The following PTPN21 variants were observed in gnomAD, a reference collection of about 807,000 sequenced individuals.
The protein encoded by PTPN21 is tyrosine-protein phosphatase non-receptor type 21.
A neutral mutation model predicts 131.8 loss-of-function variants in PTPN21; 77 were observed. The ratio of observed to expected loss-of-function variants is 0.58; its 90% CI spans 0.49 to 0.71. The LOEUF (loss-of-function observed/expected upper bound fraction) is 0.71. Ranked by LOEUF, PTPN21 falls within the 30% of genes least tolerant of loss-of-function variation. The pLI is 0.00. For synonymous variants in PTPN21, 715 were observed against 621.3 expected, an observed-to-expected ratio of 1.15 and a Z score of -2.24; for missense variants, 1,552 against 1,527.1, an observed-to-expected ratio of 1.02 and a Z score of -0.27.
At chr14:88,547,670 A>C (rs886686242) in intron 2 of PTPN21, 1 of 455,512 alleles carries the variant, frequency 2.2e-6, no homozygotes, top group African/African-American at 2.0e-5. Context: ...GAATAAATGC[A>C]AGTAAGCAGG....
At chr14:88,496,516 G>C in intron 9 of PTPN21, 24 bp from the exon 10 acceptor site, 1 of 1,562,122 alleles carries the variant, frequency 6.4e-7, no homozygotes, top group Non-Finnish European at 8.8e-7. Context: ...TAGGCATAAA[G>C]CAATATGAAA....
chr14:88,493,047 G>T (rs530637210), intron 10 of PTPN21: 2 of 455,180 alleles, frequency 4.4e-6, no homozygotes, highest in Non-Finnish European at 8.8e-6. Flanking sequence ...GCACAGGCTC[G>T]AGTCTTGCTG....
chr14:88,553,896 T>C (rs903612197), intron 1 of PTPN21, among the ~76,000 whole-genome samples: 1 of 152,106 alleles, frequency 6.6e-6, no homozygotes, highest in South Asian at 2.1e-4. Flanking sequence ...ATTTTTAGAG[T>C]AATATCTATA....
Position 88,467,938 on chromosome 14 carries a change from C to CT in PTPN21, c.*198dup. 1 of 717,562 alleles carries CT rather than the reference C, an allele frequency of 1.4e-6. No homozygotes were observed. Among genetic ancestry groups the CT allele is most frequent in the Non-Finnish European group, 2.3e-6 (1 of 426,712 alleles). 44.4% of individuals were successfully genotyped at this position (717,562 alleles called of 1,614,324 possible). On this transcript the variant is annotated 3_prime_UTR_variant, in exon 19 of 19. Transcript: ENST00000556564. ...TTGAAACCAAGTCCTCCTTGAGCAC[C>CT]TTTCCCAGGTTAGAAACCCCTCTTC...
At chr14:88,542,406 G>A (rs527661164) in intron 2 of PTPN21, among the ~76,000 whole-genome samples, 2 of 152,154 alleles carry the variant, frequency 1.3e-5, no homozygotes, top group African/African-American at 4.8e-5. Context: ...TACAAATCTC[G>A]AATGAGTAAA....
chr14:88,544,765 C>T (rs2078752219), intron 2 of PTPN21, among the ~76,000 whole-genome samples: 1 of 152,128 alleles, frequency 6.6e-6, no homozygotes, highest in Non-Finnish European at 1.5e-5. Flanking sequence ...TGCCCTGACT[C>T]AAAGGAATTT....
intron 2 of PTPN21, among the ~76,000 whole-genome samples, chr14:88,549,117 A>G (rs745755476): frequency 2.0e-5 from 3 of 152,218 alleles, no homozygotes; most frequent in Non-Finnish European, 4.4e-5. Flanking sequence ...AATATAGTCA[A>G]TGAATTTTAC....
At chr14:88,521,566 CTTT>C (rs11407992) in intron 2 of PTPN21, among the ~76,000 whole-genome samples, 5 of 131,458 alleles carry the variant, frequency 3.8e-5, no homozygotes, top group East Asian at 2.2e-4. Flanking sequence ...CCACGCCCAA[CTTT>C]TTTTTTTTTT....
Position 88,479,867 on chromosome 14 carries a change from A to G in PTPN21, c.1564T>C (p.Ser522Pro). Residue 522 changes from serine (S) to proline (P), a missense_variant, in exon 13 of 19, where the codon TCT (serine) becomes CCT (proline). Ser to Pro is a moderately conservative substitution (Grantham distance 74). Transcript: ENST00000556564. ...CGCTCGGCAGGGTAGGGGTAGGGAG[A>G]CGGGCTGTGGAAGCTGTAGCTCAGG... ...FSLSYSFHSP[S>P]PYPYPAERRP... 1.3e-6 allele frequency: 2 copies of G among 1,574,562 alleles called. No individual in the cohort carries two copies. The highest frequency in any genetic ancestry group is 1.7e-6 in the Non-Finnish European group (2 of 1,164,586).
At chr14:88,521,500 T>A (rs1349390377) in intron 2 of PTPN21, among the ~76,000 whole-genome samples, 1 of 151,638 alleles carries the variant, frequency 6.6e-6, no homozygotes, top group Non-Finnish European at 1.5e-5. Context: ...CCTTCCAGTT[T>A]CAAGCGCTTC....
At chr14:88,481,226 G>A (rs1484177091) in intron 12 of PTPN21, among the ~76,000 whole-genome samples, 3 of 152,188 alleles carry the variant, frequency 2.0e-5, no homozygotes, top group South Asian at 2.1e-4. Flanking sequence ...TGATCATGGT[G>A]ATACTTAAGT....
At position 88,536,604 on chromosome 14, in the gene PTPN21, A is replaced by G. The variant is rs138546757; in HGVS notation, c.180+13634T>C. Among the ~76,000 whole-genome samples the G allele has an allele frequency of 1.1e-3, 162 of 152,140 alleles. 2 individuals are homozygous for G. The East Asian group carries it at 0.023, about 22-fold the overall frequency. Reference sequence around the variant, plus strand: ...AGGTCCAAATCCTGTCAGAATGTAAACCCTTTCCTAATCCCTAAGTCATTT... The same window carrying G: ...AGGTCCAAATCCTGTCAGAATGTAAGCCCTTTCCTAATCCCTAAGTCATTT... On this transcript the variant is annotated intron_variant, in intron 2 of 18. Transcript: ENST00000556564.
chr14:88,535,861 TCTTC>T (rs569633165), intron 2 of PTPN21, among the ~76,000 whole-genome samples: 267 of 152,350 alleles, frequency 1.8e-3, no homozygotes, highest in Admixed American at 2.7e-3. Context: ...ACACATCCTC[TCTTC>T]CTTGAGTCCA....
chr14:88,522,461 G>A (rs1399936379), intron 2 of PTPN21, among the ~76,000 whole-genome samples: 1 of 151,322 alleles, frequency 6.6e-6, no homozygotes, highest in Non-Finnish European at 1.5e-5. Context: ...AGAAAGGTGG[G>A]CTTAGTAAAT....
At chr14:88,505,269 T>C (rs2139282136) in intron 5 of PTPN21, 35 bp downstream of exon 5, 1 of 1,493,916 alleles carries the variant, frequency 6.7e-7, no homozygotes, top group East Asian at 2.3e-5. Flanking sequence ...ATAAACTGTT[T>C]CTTTTAAAAG....
intron 13 of PTPN21, among the ~76,000 whole-genome samples, chr14:88,476,562 A>C (rs931468373): frequency 6.6e-6 from 1 of 152,218 alleles, no homozygotes; most frequent in Non-Finnish European, 1.5e-5. Context: ...TTTCATGCCT[A>C]ACTGCATGTG....
In PTPN21 at chr14:88,466,103, T is replaced by TAG. The variant is rs2077358458; in HGVS notation, c.*2032_*2033dup. ...GGGGGAGGGGAAGAAGCACTTTTTC[T>TAG]AGAGATGGAAAATAGTTCCAGTAAA... On this transcript the variant is annotated 3_prime_UTR_variant, in exon 19 of 19. Transcript: ENST00000556564. The TAG allele has an allele frequency of 6.6e-6, 1 of 152,152 alleles. No individual in the cohort carries two copies. The highest frequency in any genetic ancestry group is 1.5e-5 in the Non-Finnish European group (1 of 68,028). The allele number at this position is 152,152 out of a possible 1,614,324, so 9.4% of individuals were successfully genotyped here.
At chr14:88,474,447 G>A (rs2077520676) in intron 13 of PTPN21, among the ~76,000 whole-genome samples, 1 of 152,072 alleles carries the variant, frequency 6.6e-6, no homozygotes, top group African/African-American at 2.4e-5. Flanking sequence ...CTCCCAAAGT[G>A]CTTGAGATTA....
chr14:88,480,291 T>C lies in PTPN21; in HGVS notation c.1140A>G (p.Arg380=), dbSNP rs1380071853. The change falls in exon 13 of 19, where the codon AGA becomes AGG. Residue 380 remains arginine, a synonymous_variant. Coordinates refer to ENST00000556564, the MANE Select transcript of PTPN21 (RefSeq NM_007039.4). The part of the protein sequence containing the change: ...YYCHSQTSLD[R]AQIDLNGRIR... ...TCCGACCGTTGAGGTCAATCTGGGC[T>C]CTATCCAAGCTTGTCTGAGAGTGAC... 6.2e-7 allele frequency: 1 copy of C among 1,614,222 alleles called. No individual in the cohort carries two copies. The highest frequency in any genetic ancestry group is 1.7e-5 in the Admixed American group (1 of 60,032).
Sources: allele counts gnomAD v4.1 joint callset (sites outside exome capture counted in the v4.1 genomes callset), GRCh38; gene constraint gnomAD v4.1.1; transcripts MANE v1.5; gene names NCBI Gene and HGNC (gene_info 2026-07-23, HGNC 2026-07-21).